The following CHD7 variants were observed in gnomAD, a reference collection of about 807,000 sequenced individuals.
The protein encoded by CHD7 is ATP-dependent chromatin remodeler CHD7.
In CHD7, 24 loss-of-function variants were observed where a neutral mutation model predicts 307.3. The ratio of observed to expected loss-of-function variants is 0.08; its 90% CI spans 0.06 to 0.11. The LOEUF (loss-of-function observed/expected upper bound fraction) is 0.11, where lower values mean the gene tolerates loss of function less well. Ranked by LOEUF, CHD7 falls within the 10% of genes least tolerant of loss-of-function variation. The pLI is 1.00. For synonymous variants in CHD7, 1,363 were observed against 1,349.9 expected, an observed-to-expected ratio of 1.01 and a Z score of -0.21; for missense variants, 3,106 against 3,727.1, an observed-to-expected ratio of 0.83 and a Z score of 4.34.
rs72650476 is a variant in CHD7, at chr8:60,740,509, G to C, written c.-174-750G>C. 6.2e-3 allele frequency among the ~76,000 whole-genome samples: 939 copies of C among 152,306 alleles called. 6 individuals carry two copies. The highest frequency in any genetic ancestry group is 0.01 in the Middle Eastern group (3 of 294). ...AGACTGGGACCATGGTAGGCTCAGA[G>C]CCATGAGTGAAATTGGTCGTCTTGG... On this transcript the variant is annotated intron_variant, in intron 1 of 37. Transcript: ENST00000423902.
intron 9 of CHD7, among the ~76,000 whole-genome samples, 187 bp from the exon 10 acceptor site, chr8:60,821,603 C>T (rs1424614421): frequency 1.3e-5 from 2 of 149,658 alleles, no homozygotes; most frequent in Non-Finnish European, 3.0e-5. Context: ...TACACACATA[C>T]ATATGTATAA....
chr8:60,859,326 G>A (rs776638957), intron 34 of CHD7, among the ~76,000 whole-genome samples: 6 of 152,172 alleles, frequency 3.9e-5, no homozygotes, highest in Non-Finnish European at 5.9e-5. Flanking sequence ...TTAGTATTTT[G>A]TCAGCACTCT....
chr8:60,865,377 G>T lies in CHD7; in HGVS notation c.8438G>T (p.Gly2813Val), dbSNP rs768004023. The change falls in exon 38 of 38, where the codon GGC becomes GTC. Residue 2813 changes from glycine (G) to valine (V), a missense_variant. Around this residue, in one of 10 missense-constraint regions of CHD7, gnomAD observed 351 missense variants for 366.2 expected, o/e 0.96. Coordinates refer to ENST00000423902, the MANE Select transcript of CHD7 (RefSeq NM_017780.4). This position sits in a 1 kb window ranked among gnomAD's most constrained non-coding sequence, Gnocchi z 4.3. ...MAGLPNVFGL[G>V]GLLNNPLSAA... ...GGCCTGCCCAACGTGTTTGGCTTGG[G>T]CGGGCTGTTGAATAACCCTCTGTCA... 8.7e-6 allele frequency: 14 copies of T among 1,612,622 alleles called. No individual in the cohort carries two copies.
chr8:60,726,730 T>C (rs1395620748), intron 1 of CHD7, among the ~76,000 whole-genome samples: 1 of 152,154 alleles, frequency 6.6e-6, no homozygotes, highest in Non-Finnish European at 1.5e-5. Context: ...CAGAGTGTTT[T>C]GTTGGTTCTT....
rs549431438 is a variant in CHD7 at position 60,711,571 on chromosome 8, C to T, written c.-174-29688C>T. ...GATGACTTTGACTTTAGATGTTGAG[C>T]GAGGAATAGAAATGGTGTTATTCCT... On this transcript the variant is annotated intron_variant, in intron 1 of 37. Transcript: ENST00000423902. Among the ~76,000 whole-genome samples the T allele has an allele frequency of 1.5e-4, 23 of 152,200 alleles. No individual in the cohort carries two copies. The South Asian group carries it at 1.7e-3, about 11-fold the overall frequency.
chr8:60,731,024 C>T (rs1342591662), intron 1 of CHD7, among the ~76,000 whole-genome samples: 1 of 152,158 alleles, frequency 6.6e-6, no homozygotes, highest in Non-Finnish European at 1.5e-5. Context: ...GTAGATGCTA[C>T]CTGCCCATTC....
chr8:60,705,120 G>A (rs1261121820), intron 1 of CHD7, among the ~76,000 whole-genome samples: 1 of 152,218 alleles, frequency 6.6e-6, no homozygotes, highest in Non-Finnish European at 1.5e-5. Flanking sequence ...GTAAAGGGTA[G>A]TTGATGGTAT....
chr8:60,837,166 TTAA>T (rs1804778911), intron 17 of CHD7, among the ~76,000 whole-genome samples, 154 bp downstream of exon 17: 2 of 152,332 alleles, frequency 1.3e-5, no homozygotes, highest in South Asian at 4.1e-4. Context: ...AATCTGTTGA[TTAA>T]TAATGTGAGA....
At chr8:60,803,527 C>T (rs545292717) in intron 6 of CHD7, among the ~76,000 whole-genome samples, 5 of 152,142 alleles carry the variant, frequency 3.3e-5, no homozygotes, top group Non-Finnish European at 5.9e-5. Flanking sequence ...AATCACTGTA[C>T]AGGAGGGTGG....
intron 1 of CHD7, among the ~76,000 whole-genome samples, chr8:60,711,488 A>G (rs1807277554): frequency 6.6e-6 from 1 of 152,224 alleles, no homozygotes; most frequent in Non-Finnish European, 1.5e-5. Flanking sequence ...GTTAATTCAA[A>G]TAATAATTAA....
intron 31 of CHD7, 33 bp from the exon 32 acceptor site, chr8:60,854,330 G>A (rs1194352934): frequency 6.2e-7 from 1 of 1,602,212 alleles, no homozygotes; most frequent in East Asian, 2.2e-5. Context: ...TGATACTGTG[G>A]TTGTGAGTAA....
chr8:60,825,345 A>G (rs894062502), intron 13 of CHD7: 1 of 152,226 alleles, frequency 6.6e-6, no homozygotes, highest in Non-Finnish European at 1.5e-5. Context: ...GAATTATCCT[A>G]TTTAGGGTGG....
At chr8:60,700,010 A>G (rs1169504230) in intron 1 of CHD7, among the ~76,000 whole-genome samples, 2 of 151,680 alleles carry the variant, frequency 1.3e-5, no homozygotes, top group Non-Finnish European at 2.9e-5. Context: ...TTGTATTTTT[A>G]GTAGGGAGGG....
rs183035210 is a variant in CHD7 at position 60,845,585 on chromosome 8, C to T, written c.5210+176C>T. 1.5e-3 allele frequency among the ~76,000 whole-genome samples: 234 copies of T among 152,248 alleles called. 2 individuals are homozygous for T. The Middle Eastern group carries it at 0.017, about 11-fold the overall frequency. Reference sequence around the variant, plus strand: ...GAGGGGGGTCCTGGAACCATACTCCCGCGGATATGGAGGGACAGCTCTGTT... The same window carrying T: ...GAGGGGGGTCCTGGAACCATACTCCTGCGGATATGGAGGGACAGCTCTGTT... On this transcript the variant is annotated intron_variant, in intron 23 of 37. Transcript: ENST00000423902.
In CHD7 at chr8:60,819,742, A is replaced by T. The variant is rs181815065; in HGVS notation, c.2614-265A>T. Among the ~76,000 whole-genome samples, 3 of 152,376 alleles carry T rather than the reference A, an allele frequency of 2.0e-5. No homozygotes were observed. In the East Asian group the frequency reaches 5.8e-4, roughly 29 times the overall value. On this transcript the variant is annotated intron_variant, in intron 8 of 37. Coordinates refer to ENST00000423902, the MANE Select transcript of CHD7 (RefSeq NM_017780.4). ...TTAGTGAATTGTAATTTCACACTTC[A>T]TTTAAAATATTCTTAAACATTCTCT...
At position 60,837,755 on chromosome 8, in the gene CHD7, T is replaced by C. The variant is rs749735125; in HGVS notation, c.4273T>C (p.Phe1425Leu). Reference sequence around the variant, plus strand: ...AAGAAATTCCTATGAAAGGGAAATGTTCGACAAGGCTAGTTTGAAACTGGG... The same window carrying C: ...AAGAAATTCCTATGAAAGGGAAATGCTCGACAAGGCTAGTTTGAAACTGGG... ...ITRNSYEREM[F>L]DKASLKLGLD... Residue 1425 changes from phenylalanine to leucine, a missense_variant, in exon 18 of 38, where the codon TTC becomes CTC. By Grantham distance (22) the Phe-to-Leu change is conservative (BLOSUM62 0). Around this residue, in one of 10 missense-constraint regions of CHD7, gnomAD observed 93 missense variants for 176.4 expected, o/e 0.53. Coordinates refer to ENST00000423902, the MANE Select transcript of CHD7 (RefSeq NM_017780.4). 3 of 1,613,074 alleles carry C rather than the reference T, an allele frequency of 1.9e-6. No homozygotes were observed. Among genetic ancestry groups the C allele is most frequent in the Non-Finnish European group, 2.5e-6 (3 of 1,179,458 alleles).
At chr8:60,810,801 A>G (rs374630976) in intron 7 of CHD7, among the ~76,000 whole-genome samples, 6 of 151,992 alleles carry the variant, frequency 3.9e-5, no homozygotes, top group East Asian at 3.9e-4. Flanking sequence ...GTGGTTTGTT[A>G]TTTATTTCAG....
chr8:60,865,270 A>G lies in CHD7; in HGVS notation c.8331A>G (p.Pro2777=). 6.2e-7 allele frequency: 1 copy of G among 1,607,956 alleles called. No homozygotes were observed. The highest frequency in any genetic ancestry group is 1.3e-5 in the African/African-American group (1 of 74,924). The change falls in exon 38 of 38, where the codon CCA becomes CCG. Residue 2777 remains proline (P), a synonymous_variant. Coordinates refer to ENST00000423902, the MANE Select transcript of CHD7 (RefSeq NM_017780.4). This position sits in a 1 kb window ranked among gnomAD's most constrained non-coding sequence, Gnocchi z 4.3. ...TGGCAGGCCTCATGGGCTTCCCTCCAGGACTGGCAACAGCTGCCACCGCCG... is the reference window on the plus strand; with the variant it reads ...TGGCAGGCCTCATGGGCTTCCCTCCGGGACTGGCAACAGCTGCCACCGCCG... ...LQLAGLMGFP[P]GLATAATAGG... is the part of the protein sequence containing the mutation.
chr8:60,707,965 G>A (rs184729966), intron 1 of CHD7, among the ~76,000 whole-genome samples: 1 of 152,302 alleles, frequency 6.6e-6, no homozygotes, highest in East Asian at 1.9e-4. Context: ...AGTGTTTATT[G>A]TATGTGGCCA....
Sources: allele counts gnomAD v4.1 joint callset (sites outside exome capture counted in the v4.1 genomes callset), GRCh38; gene constraint gnomAD v4.1.1; regional missense constraint gnomAD v4.1.1; non-coding constraint Gnocchi (gnomAD v3.1); transcripts MANE v1.5; gene names NCBI Gene and HGNC (gene_info 2026-07-23, HGNC 2026-07-21).